GPCPD1: variants seen among roughly 807,000 people sequenced by gnomAD.
GPCPD1 encodes the protein glycerophosphocholine phosphodiesterase GPCPD1.
A neutral mutation model predicts 89.2 loss-of-function variants in GPCPD1; 29 were observed. The observed-to-expected ratio is 0.33, with a 90% CI of 0.24 to 0.44. The LOEUF (loss-of-function observed/expected upper bound fraction) is 0.44, where lower values mean the gene tolerates loss of function less well. Among genes scored for constraint, GPCPD1 ranks in the 20% least tolerant of loss-of-function variants. The probability of loss-of-function intolerance (pLI) is 1.00; values close to 1 mark genes in which losing one functional copy is unlikely to be tolerated. For missense variants in GPCPD1, 594 were observed against 808.9 expected (o/e 0.73, Z 3.22); for synonymous variants, 258 against 266.3 (o/e 0.97, Z 0.30).
chr20:5,606,666 C>T (rs941782534), intron 1 of GPCPD1, among the ~76,000 whole-genome samples: 3 of 152,156 alleles, frequency 2.0e-5, no homozygotes, highest in African/African-American at 7.2e-5. Context: ...GGGGTAAAGG[C>T]CCTGCTGAAC....
At chr20:5,560,864 T>C (rs1986041584) in intron 16 of GPCPD1, among the ~76,000 whole-genome samples, 1 of 152,204 alleles carries the variant, frequency 6.6e-6, no homozygotes, top group East Asian at 1.9e-4. Flanking sequence ...TCTGCACATA[T>C]TCTCTCTGAT....
intron 2 of GPCPD1, among the ~76,000 whole-genome samples, chr20:5,600,779 C>G (rs953464158): frequency 2.6e-5 from 4 of 151,982 alleles, no homozygotes; most frequent in African/African-American, 9.7e-5. Context: ...CTGCAGTGAG[C>G]CAAGATCACA....
chr20:5,564,700 G>T (rs1986282426), intron 15 of GPCPD1, among the ~76,000 whole-genome samples: 1 of 152,110 alleles, frequency 6.6e-6, no homozygotes, highest in South Asian at 2.1e-4. Context: ...AGCCAGGCAT[G>T]GTGGTGCACA....
At chr20:5,563,719 C>T (rs1986218273) in intron 15 of GPCPD1, among the ~76,000 whole-genome samples, 1 of 152,126 alleles carries the variant, frequency 6.6e-6, no homozygotes. Context: ...ATTGCAGGGG[C>T]TCTCTTTTAG....
intron 2 of GPCPD1, among the ~76,000 whole-genome samples, chr20:5,601,297 G>A (rs1322766230): frequency 2.0e-5 from 3 of 150,602 alleles, no homozygotes; most frequent in African/African-American, 7.3e-5. Context: ...GAGTCCAGGA[G>A]TTTGAGGAGC....
intron 7 of GPCPD1, among the ~76,000 whole-genome samples, chr20:5,579,537 G>A (rs1216386134): frequency 2.0e-5 from 3 of 152,036 alleles, no homozygotes; most frequent in Non-Finnish European, 2.9e-5. Context: ...TAGTAGAGAC[G>A]TGGTTTCACC....
chr20:5,588,140 T>C (rs568235824), intron 4 of GPCPD1, among the ~76,000 whole-genome samples: 1 of 152,232 alleles, frequency 6.6e-6, no homozygotes, highest in Non-Finnish European at 1.5e-5. Context: ...TAGATGATGT[T>C]TACTATAACA....
rs530965767 is a variant in GPCPD1 at position 5,568,465 on chromosome 20, A to C, written c.1150-905T>G. Reference sequence around the variant, plus strand: ...AAGATGAATTGTTTTTATAAGAAAAACACCAGCTTAAAAATCAAAATTCAG... The same window carrying C: ...AAGATGAATTGTTTTTATAAGAAAACCACCAGCTTAAAAATCAAAATTCAG... On this transcript the variant is annotated intron_variant, in intron 12 of 19. Transcript: ENST00000379019. Among the ~76,000 whole-genome samples the C allele has an allele frequency of 1.9e-3, 292 of 152,182 alleles. 3 individuals carry two copies. The highest frequency in any genetic ancestry group is 2.9e-3 in the Non-Finnish European group (200 of 67,998).
At position 5,567,562 on chromosome 20, in the gene GPCPD1, TAAAAAAAAA is replaced by T. The variant is rs11475275; in HGVS notation, c.1150-11_1150-3del. 10 of 1,297,456 alleles carry T rather than the reference TAAAAAAAAA, an allele frequency of 7.7e-6. No homozygotes were observed. The highest frequency in any genetic ancestry group is 2.9e-4 in the Middle Eastern group (1 of 3,406). The allele number at this position is 1,297,456 out of a possible 1,614,324, so 80.4% of individuals were successfully genotyped here. A position where few individuals can be genotyped will look rare whatever the true frequency, so the allele number is the denominator to read the frequency against. ...TTCAACTGGATCAGCATCAAATTTC[TAAAAAAAAA>T]AAAAAAAGAAAGAAAGAAAAAGAAA... is the stretch of plus-strand genomic sequence containing the variant. On this transcript the variant is annotated splice_region_variant and splice_polypyrimidine_tract_variant and intron_variant, in intron 12 of 19. Coordinates refer to ENST00000379019, the MANE Select transcript of GPCPD1 (RefSeq NM_019593.5).
chr20:5,576,988 T>G (rs1978291003), intron 8 of GPCPD1, among the ~76,000 whole-genome samples: 1 of 151,798 alleles, frequency 6.6e-6, no homozygotes, highest in South Asian at 2.1e-4. Flanking sequence ...GAGGATCGCT[T>G]GAGCCCAGGA....
intron 19 of GPCPD1, chr20:5,549,498 T>G (rs1770400180): frequency 6.9e-6 from 8 of 1,164,902 alleles, no homozygotes; most frequent in East Asian, 5.3e-5. Flanking sequence ...ACCTTCTGAG[T>G]ATTCTTCTGA....
chr20:5,560,278 T>C (rs3747913), intron 16 of GPCPD1, among the ~76,000 whole-genome samples: 37,382 of 152,112 alleles, frequency 0.25, 5,040 homozygotes, highest in East Asian at 0.43. Context: ...CAGGTCATAA[T>C]TCAGACATAG....
At chr20:5,568,355 A>C (rs967668664) in intron 12 of GPCPD1, among the ~76,000 whole-genome samples, 15 of 150,622 alleles carry the variant, frequency 1.0e-4, no homozygotes, top group Non-Finnish European at 1.9e-4. Flanking sequence ...AAACTATTAA[A>C]AGTAAGACAG....
intron 15 of GPCPD1, among the ~76,000 whole-genome samples, chr20:5,562,979 A>C (rs575303889): frequency 2.6e-5 from 4 of 151,520 alleles, no homozygotes; most frequent in East Asian, 1.9e-4. Context: ...TTTTGGCGTT[A>C]AAATTTCTTT....
intron 3 of GPCPD1, among the ~76,000 whole-genome samples, chr20:5,598,494 TAA>T (rs35672719): frequency 2.9e-4 from 40 of 138,972 alleles, no homozygotes; most frequent in African/African-American, 4.8e-4. Flanking sequence ...AAAATACATC[TAA>T]AAAAAAAAAA....
intron 7 of GPCPD1, among the ~76,000 whole-genome samples, chr20:5,579,687 G>T (rs550049799): frequency 6.6e-6 from 1 of 152,148 alleles, no homozygotes; most frequent in Non-Finnish European, 1.5e-5. Flanking sequence ...GAGCCAACAC[G>T]CCCGACACAT....
intron 12 of GPCPD1, among the ~76,000 whole-genome samples, chr20:5,569,703 T>C (rs1986598469): frequency 6.6e-6 from 1 of 152,166 alleles, no homozygotes; most frequent in African/African-American, 2.4e-5. Flanking sequence ...AGTTCTTGAG[T>C]CTAAACCTCT....
chr20:5,603,618 T>G (rs1467470706), intron 2 of GPCPD1, among the ~76,000 whole-genome samples: 1 of 152,174 alleles, frequency 6.6e-6, no homozygotes, highest in Non-Finnish European at 1.5e-5. Context: ...TGATACGGCT[T>G]TGACATGCTA....
At chr20:5,573,082 C>CCT (rs563560226) in intron 11 of GPCPD1, among the ~76,000 whole-genome samples, 147 of 127,594 alleles carry the variant, frequency 1.2e-3, no homozygotes, top group African/African-American at 4.3e-3. Flanking sequence ...TCAAATCTTT[C>CCT]CTTCTTTTTT....
Sources: allele counts gnomAD v4.1 joint callset (sites outside exome capture counted in the v4.1 genomes callset), GRCh38; gene constraint gnomAD v4.1.1; transcripts MANE v1.5; gene names NCBI Gene and HGNC (gene_info 2026-07-23, HGNC 2026-07-21).